Variants in PTPRG observed in about 807,000 individuals in gnomAD.
PTPRG encodes the protein receptor-type tyrosine-protein phosphatase gamma.
PTPRG carries 102 observed loss-of-function variants against 165.3 expected under a neutral mutation model. The observed-to-expected ratio is 0.62, with a 90% CI of 0.53 to 0.73. PTPRG has a LOEUF of 0.73. PTPRG is among the 30% of genes least tolerant of loss of function. PTPRG has a pLI of 0.00. For synonymous variants in PTPRG, 675 were observed against 669.5 expected (o/e 1.01, Z -0.13); for missense variants, 1,866 against 1,861.4 (o/e 1.00, Z -0.05).
intron 5 of PTPRG, among the ~76,000 whole-genome samples, chr3:62,092,112 AC>A (rs1366159668): frequency 1.3e-4 from 8 of 60,130 alleles, no homozygotes; most frequent in Admixed American, 6.5e-4. Context: ...ACACACACAC[AC>A]ACACACACAC....
At chr3:61,887,734 G>T (rs62243209) in intron 2 of PTPRG, among the ~76,000 whole-genome samples, 3 of 149,492 alleles carry the variant, frequency 2.0e-5, no homozygotes, top group African/African-American at 7.4e-5. Flanking sequence ...AAAAAAAAAG[G>T]CTGATGGTTA....
At chr3:61,727,786 T>C (rs1027334927) in intron 1 of PTPRG, among the ~76,000 whole-genome samples, 2 of 152,220 alleles carry the variant, frequency 1.3e-5, no homozygotes, top group South Asian at 4.1e-4. Context: ...ACTAAATAAT[T>C]TAAGGTGAGC....
chr3:62,280,998 T>C (rs1454755953), intron 26 of PTPRG, among the ~76,000 whole-genome samples: 1 of 152,066 alleles, frequency 6.6e-6, no homozygotes, highest in African/African-American at 2.4e-5. Flanking sequence ...ATTGAGTACA[T>C]TTTAGCTGTT....
At chr3:62,151,499 G>C (rs9826777) in intron 6 of PTPRG, among the ~76,000 whole-genome samples, 15,841 of 151,614 alleles carry the variant, frequency 0.1, 2,412 homozygotes, top group African/African-American at 0.33. Context: ...ATTTAGCATC[G>C]CTGTTCCTCA....
intron 8 of PTPRG, among the ~76,000 whole-genome samples, chr3:62,185,254 G>A (rs1705830903): frequency 6.6e-6 from 1 of 152,196 alleles, no homozygotes; most frequent in African/African-American, 2.4e-5. Flanking sequence ...AACATAATCA[G>A]GCCCCTGAAA....
At chr3:62,079,636 C>A (rs1371644930) in intron 5 of PTPRG, among the ~76,000 whole-genome samples, 1 of 152,088 alleles carries the variant, frequency 6.6e-6, no homozygotes, top group African/African-American at 2.4e-5. Context: ...ATGTATTGGT[C>A]TAATTTGCCC....
intron 4 of PTPRG, among the ~76,000 whole-genome samples, chr3:62,011,601 G>C (rs902249031): frequency 1.3e-5 from 2 of 151,678 alleles, no homozygotes; most frequent in African/African-American, 4.9e-5. Context: ...TTCCATTTCA[G>C]AGCAGAATGT....
At position 62,271,287 on chromosome 3, in the gene PTPRG, G is replaced by A. The variant is rs918998861; in HGVS notation, c.3010-96G>A. 1.2e-5 allele frequency: 13 copies of A among 1,048,186 alleles called. No individual in the cohort carries two copies. Among genetic ancestry groups the A allele is most frequent in the Non-Finnish European group, 1.8e-5 (13 of 722,856 alleles). The allele number at this position is 1,048,186 out of a possible 1,614,324, so 64.9% of individuals were successfully genotyped here. A position where few individuals can be genotyped will look rare whatever the true frequency, so the allele number is the denominator to read the frequency against. ...CCTGGGAACAGTGATTAGGGTGAATGTGATCAGTGGTCATGTGTCCTGACA... is the reference window on the plus strand; with the variant it reads ...CCTGGGAACAGTGATTAGGGTGAATATGATCAGTGGTCATGTGTCCTGACA... On this transcript the variant is annotated intron_variant, in intron 20 of 29. Coordinates refer to ENST00000474889, the MANE Select transcript of PTPRG (RefSeq NM_002841.4). This position sits in a 1 kb window ranked among gnomAD's most constrained non-coding sequence, Gnocchi z 4.1.
At chr3:61,753,585 GT>G (rs10640815) in intron 2 of PTPRG, 15,029 of 358,554 alleles carry the variant, frequency 0.042, 28 homozygotes, top group Middle Eastern at 0.061. Flanking sequence ...AAATTTGAGG[GT>G]TTTTTTTTTT....
chr3:61,849,445 T>A (rs1289275056), intron 2 of PTPRG, among the ~76,000 whole-genome samples: 1 of 152,138 alleles, frequency 6.6e-6, no homozygotes, highest in Non-Finnish European at 1.5e-5. Context: ...TGCTATAGGA[T>A]TCAACGTATT....
intron 4 of PTPRG, among the ~76,000 whole-genome samples, chr3:62,033,056 G>A (rs571080301): frequency 2.0e-5 from 3 of 152,172 alleles, no homozygotes; most frequent in Admixed American, 2.0e-4. Flanking sequence ...TGCTGGTATA[G>A]ATGCCCTATA....
At chr3:61,669,126 C>T (rs1284356977) in intron 1 of PTPRG, among the ~76,000 whole-genome samples, 1 of 152,122 alleles carries the variant, frequency 6.6e-6, no homozygotes, top group South Asian at 2.1e-4. Flanking sequence ...CTGCGCTGCT[C>T]TCTAGGATTG....
intron 5 of PTPRG, among the ~76,000 whole-genome samples, chr3:62,090,542 T>C (rs1438961833): frequency 6.6e-6 from 1 of 152,218 alleles, no homozygotes; most frequent in African/African-American, 2.4e-5. Flanking sequence ...CTCTCTATTT[T>C]GAATTTTGTA....
At chr3:61,792,803 A>T (rs2107135124) in intron 2 of PTPRG, among the ~76,000 whole-genome samples, 1 of 151,408 alleles carries the variant, frequency 6.6e-6, no homozygotes, top group South Asian at 2.1e-4. Flanking sequence ...ATCTCGGCTC[A>T]CTGCAACCTC....
chr3:62,020,852 T>G (rs1176878229), intron 4 of PTPRG, among the ~76,000 whole-genome samples: 1 of 151,654 alleles, frequency 6.6e-6, no homozygotes, highest in East Asian at 1.9e-4. Flanking sequence ...TTTGTTTTTT[T>G]TTTTTGGATA....
intron 1 of PTPRG, among the ~76,000 whole-genome samples, chr3:61,720,249 G>A (rs1010175610): frequency 4.6e-5 from 7 of 151,696 alleles, no homozygotes; most frequent in Admixed American, 2.0e-4. Context: ...TCAGCCTCCC[G>A]AGTAGCTGGG....
At chr3:61,780,787 T>G (rs1217096691) in intron 2 of PTPRG, among the ~76,000 whole-genome samples, 2 of 152,222 alleles carry the variant, frequency 1.3e-5, no homozygotes, top group East Asian at 3.8e-4. Context: ...ACTTAATTCT[T>G]AGGCACTCCT....
chr3:61,868,818 T>C (rs1413110838), intron 2 of PTPRG, among the ~76,000 whole-genome samples: 1 of 152,192 alleles, frequency 6.6e-6, no homozygotes, highest in East Asian at 1.9e-4. Context: ...CTTTGGGCAT[T>C]GGTCTTTGTA....
At chr3:61,831,810 CA>C (rs2036303186) in intron 2 of PTPRG, among the ~76,000 whole-genome samples, 1 of 152,054 alleles carries the variant, frequency 6.6e-6, no homozygotes, top group Non-Finnish European at 1.5e-5. Flanking sequence ...AATAGTTTTT[CA>C]TAAGAATTGC....
Sources: gnomAD v4.1 joint callset for allele counts (sites outside exome capture counted in the v4.1 genomes callset) on GRCh38, gnomAD v4.1.1 for gene constraint, Gnocchi (gnomAD v3.1) non-coding constraint, MANE v1.5 for transcripts, NCBI Gene and HGNC (gene_info 2026-07-23, HGNC 2026-07-21) for gene names.